CMTM7: variants seen among roughly 807,000 people sequenced by gnomAD.
CMTM7 encodes CKLF-like MARVEL transmembrane domain-containing protein 7.
A neutral mutation model predicts 19.3 loss-of-function variants in CMTM7; 7 were observed. That is an observed-to-expected ratio of 0.36 (90% confidence interval 0.21 to 0.68). The LOEUF (loss-of-function observed/expected upper bound fraction) is 0.68. Ranked by LOEUF, CMTM7 falls within the 30% of genes least tolerant of loss-of-function variation. The probability of loss-of-function intolerance (pLI) is 0.60; values close to 1 mark genes in which losing one functional copy is unlikely to be tolerated. For missense variants in CMTM7, 193 were observed against 232.6 expected, an observed-to-expected ratio of 0.83 and a Z score of 1.11; for synonymous variants, 87 against 99.3, an observed-to-expected ratio of 0.88 and a Z score of 0.74.
chr3:32,426,937 G>A (rs1464523331), intron 1 of CMTM7, among the ~76,000 whole-genome samples: 1 of 152,166 alleles, frequency 6.6e-6, no homozygotes, highest in East Asian at 1.9e-4. Context: ...ACTTTATGAT[G>A]TGCTATATTA....
At chr3:32,394,294 G>A (rs1695883454) in intron 1 of CMTM7, among the ~76,000 whole-genome samples, 1 of 150,864 alleles carries the variant, frequency 6.6e-6, no homozygotes, top group African/African-American at 2.5e-5. Context: ...ATTGGGGAAG[G>A]GCAGAAGCAG....
At chr3:32,414,167 A>G (rs57657665) in intron 1 of CMTM7, among the ~76,000 whole-genome samples, 11,555 of 152,146 alleles carry the variant, frequency 0.076, 492 homozygotes, top group East Asian at 0.15. Context: ...AGCACTCCCC[A>G]GTTAACTTTT....
At chr3:32,407,337 T>C (rs1437991426) in intron 1 of CMTM7, among the ~76,000 whole-genome samples, 2 of 152,202 alleles carry the variant, frequency 1.3e-5, no homozygotes, top group Non-Finnish European at 2.9e-5. Context: ...AGTTGTGTTA[T>C]ATTTTTCAAC....
chr3:32,392,158 C>A, intron 1 of CMTM7, 93 bp downstream of exon 1: 2 of 997,044 alleles, frequency 2.0e-6, no homozygotes, highest in Non-Finnish European at 2.6e-6. Flanking sequence ...CTGGACCCGG[C>A]CGGAGCCCAG....
intron 1 of CMTM7, among the ~76,000 whole-genome samples, chr3:32,399,717 A>T (rs559095175): frequency 6.6e-6 from 1 of 152,318 alleles, no homozygotes; most frequent in South Asian, 2.1e-4. Flanking sequence ...TCCCAAGTGC[A>T]GTCTGCACAC....
At chr3:32,428,121 A>G (rs1421193560) in intron 1 of CMTM7, among the ~76,000 whole-genome samples, 1 of 152,204 alleles carries the variant, frequency 6.6e-6, no homozygotes. Context: ...CCCAGAATAC[A>G]TGGCAGGGAC....
chr3:32,449,625 G>A lies in CMTM7; in HGVS notation c.432+73G>A. The A allele has an allele frequency of 1.7e-6, 2 of 1,195,324 alleles. No individual in the cohort carries two copies. Among genetic ancestry groups the A allele is most frequent in the Non-Finnish European group, 1.3e-6 (1 of 798,614 alleles). The allele number at this position is 1,195,324 out of a possible 1,614,324, so 74.0% of individuals were successfully genotyped here. A position where few individuals can be genotyped will look rare whatever the true frequency, so the allele number is the denominator to read the frequency against. ...GCTCATTTTCTTCCTGATGGGGGAA[G>A]AGAAGGGCTTGGTTTCTGGGGCATT... On this transcript the variant is annotated intron_variant, in intron 3 of 4. Transcript: ENST00000334983. The surrounding 1 kb of genome is among the most constrained non-coding windows in gnomAD (Gnocchi z 4.5).
At chr3:32,399,311 T>C (rs1300813343) in intron 1 of CMTM7, among the ~76,000 whole-genome samples, 1 of 150,504 alleles carries the variant, frequency 6.6e-6, no homozygotes, top group South Asian at 2.1e-4. Flanking sequence ...ATATTACATA[T>C]ACATCTTATT....
At chr3:32,444,366 T>C (rs1026800244) in intron 2 of CMTM7, among the ~76,000 whole-genome samples, 1 of 152,244 alleles carries the variant, frequency 6.6e-6, no homozygotes, top group Non-Finnish European at 1.5e-5. Context: ...CAGTTGACCA[T>C]TAAATACATG....
intron 1 of CMTM7, among the ~76,000 whole-genome samples, chr3:32,393,027 G>T (rs1439743536): frequency 6.6e-6 from 1 of 152,180 alleles, no homozygotes; most frequent in Non-Finnish European, 1.5e-5. Context: ...GTGGGGAGGG[G>T]AGCGGTAAGT....
At chr3:32,442,363 G>A (rs1367066551) in intron 2 of CMTM7, among the ~76,000 whole-genome samples, 2 of 151,936 alleles carry the variant, frequency 1.3e-5, no homozygotes, top group African/African-American at 2.4e-5. Flanking sequence ...GCCGGGCGTG[G>A]TGGCGGGTGC....
intron 1 of CMTM7, among the ~76,000 whole-genome samples, chr3:32,434,606 C>CT (rs56672577): frequency 1.9e-4 from 11 of 57,666 alleles, no homozygotes; most frequent in Admixed American, 3.4e-4. Flanking sequence ...CTTTTCTTTT[C>CT]TTTTTTTTTT....
chr3:32,424,439 C>T (rs1436083608), intron 1 of CMTM7, among the ~76,000 whole-genome samples: 1 of 152,114 alleles, frequency 6.6e-6, no homozygotes, highest in Non-Finnish European at 1.5e-5. Flanking sequence ...TGGGGAGTGG[C>T]AAGGTTCTGC....
chr3:32,419,548 G>T (rs945774663), intron 1 of CMTM7, among the ~76,000 whole-genome samples: 1 of 143,808 alleles, frequency 7.0e-6, no homozygotes, highest in Non-Finnish European at 1.5e-5. Flanking sequence ...TCCTATCCTT[G>T]CTTGCTGAAA....
At chr3:32,423,783 C>T (rs1224331724) in intron 1 of CMTM7, among the ~76,000 whole-genome samples, 1 of 152,172 alleles carries the variant, frequency 6.6e-6, no homozygotes, top group African/African-American at 2.4e-5. Flanking sequence ...TTTAGCTGAG[C>T]CATCCTAAGA....
chr3:32,433,204 C>T (rs1696546356), intron 1 of CMTM7, among the ~76,000 whole-genome samples: 1 of 152,232 alleles, frequency 6.6e-6, no homozygotes, highest in African/African-American at 2.4e-5. Flanking sequence ...GTCAATTTTG[C>T]TTCTTGCCCT....
At chr3:32,400,447 G>C (rs1435456517) in intron 1 of CMTM7, among the ~76,000 whole-genome samples, 1 of 135,262 alleles carries the variant, frequency 7.4e-6, no homozygotes, top group Non-Finnish European at 1.5e-5. Context: ...GCCCAGGCTG[G>C]AGTGCAGTGG....
chr3:32,434,601 CT>C (rs1205392102), intron 1 of CMTM7, among the ~76,000 whole-genome samples: 5 of 28,980 alleles, frequency 1.7e-4, no homozygotes, highest in Middle Eastern at 0.015. Context: ...TGCCTCTTTT[CT>C]TTTCTTTTTT....
rs76091847 is a variant in CMTM7, at chr3:32,446,569, A to G, written c.334-2885A>G. On this transcript the variant is annotated intron_variant, in intron 2 of 4. Transcript: ENST00000334983. ...TCTTCTTTTCCTAGTGTCTTAATGT[A>G]TAATATAGTTTGGATATCTGTCCCC... is the stretch of plus-strand genomic sequence containing the variant. Among the ~76,000 whole-genome samples, 1,499 of 151,878 alleles carry G rather than the reference A, an allele frequency of 9.9e-3. 26 individuals are homozygous for G. The highest frequency in any genetic ancestry group is 0.034 in the African/African-American group (1,414 of 41,356).
Sources: gnomAD v4.1 joint callset for allele counts (sites outside exome capture counted in the v4.1 genomes callset) on GRCh38, gnomAD v4.1.1 for gene constraint, Gnocchi (gnomAD v3.1) non-coding constraint, MANE v1.5 for transcripts, NCBI Gene and HGNC (gene_info 2026-07-23, HGNC 2026-07-21) for gene names.